Variants in COQ8B observed in about 807,000 individuals in gnomAD.
COQ8B encodes the protein coenzyme Q8B.
COQ8B carries 44 observed loss-of-function variants against 62.0 expected under a neutral mutation model. The ratio of observed to expected loss-of-function variants is 0.71; its 90% CI spans 0.56 to 0.91. The LOEUF (loss-of-function observed/expected upper bound fraction) is 0.91. Among genes scored for constraint, COQ8B ranks in the 40% least tolerant of loss-of-function variants. The pLI, the probability that COQ8B is intolerant of heterozygous loss-of-function variation, is 0.00. For missense variants in COQ8B, 649 were observed against 731.6 expected (o/e 0.89, Z 1.30); for synonymous variants, 252 against 289.9 (o/e 0.87, Z 1.33).
chr19:40,697,851 T>TATATATATATATAGAGAGAG (rs1446181673), intron 12 of COQ8B, among the ~76,000 whole-genome samples: 1 of 54,758 alleles, frequency 1.8e-5, no homozygotes, highest in Non-Finnish European at 3.1e-5. Flanking sequence ...TATATATATA[T>TATATATATATATAGAGAGAG]AGAGAGAGAG....
rs199641731 is a variant in COQ8B, at chr19:40,705,388, C to G, written c.427G>C (p.Val143Leu). Residue 143 changes from valine to leucine, a missense_variant, in exon 6 of 15, where the codon GTG becomes CTG. By Grantham distance (32) the Val-to-Leu change is conservative. Coordinates refer to ENST00000324464, the MANE Select transcript of COQ8B (RefSeq NM_024876.4). ...FLSEANAERI[V>L]QTLCTVRGAA... Reference sequence around the variant, plus strand: ...CCTCGAACTGTACATAAGGTCTGCACAATCCGCTCGGCATTGGCCTCCGAC... The same window carrying G: ...CCTCGAACTGTACATAAGGTCTGCAGAATCCGCTCGGCATTGGCCTCCGAC... The G allele has an allele frequency of 2.5e-6, 4 of 1,598,164 alleles. No homozygotes were observed. In the African/African-American group the frequency reaches 5.4e-5, roughly 21 times the overall value.
rs573613673 is a variant in COQ8B, at chr19:40,699,125, CT to C, written c.1143+941del. On this transcript the variant is annotated intron_variant, in intron 12 of 14. Transcript: ENST00000324464. Reference sequence around the variant, plus strand: ...CACCATGCTCAGCCTCTGGTCTCAGCTTTTTTTTTTTTTCTTTGGTGAGACA... The same window carrying C: ...CACCATGCTCAGCCTCTGGTCTCAGCTTTTTTTTTTTTCTTTGGTGAGACA... Among the ~76,000 whole-genome samples, 1,181 of 144,538 alleles carry C rather than the reference CT, an allele frequency of 8.2e-3. 10 individuals are homozygous for C. The highest frequency in any genetic ancestry group is 0.024 in the African/African-American group (953 of 39,648). 94.8% of individuals were successfully genotyped at this position (144,538 alleles called of 152,430 possible). A position where few individuals can be genotyped will look rare whatever the true frequency, so the allele number is the denominator to read the frequency against.
At position 40,692,329 on chromosome 19, in the gene COQ8B, C is replaced by T. The variant is rs2081978323; in HGVS notation, c.1341G>A (p.Glu447=). 3 of 1,613,616 alleles carry T rather than the reference C, an allele frequency of 1.9e-6. No homozygotes were observed. In the African/African-American group the frequency reaches 4.0e-5, roughly 22 times the overall value. ...CATAAGGGCCCTGGGTGGCGAAAGG[C>T]TCCCCCAGGATCATCACTGCCTCCA... ...AHVEAVMILG[E]PFATQGPYDF... The change falls in exon 15 of 15, where the codon GAG becomes GAA. Residue 447 remains glutamate, a synonymous_variant. Transcript: ENST00000324464.
intron 12 of COQ8B, among the ~76,000 whole-genome samples, chr19:40,697,822 T>TTATATATATATA (rs66501221): frequency 3.0e-4 from 24 of 79,088 alleles, no homozygotes; most frequent in African/African-American, 1.0e-3. Context: ...ATAAATAAAA[T>TTATATATATATA]TATATATATA....
chr19:40,693,648 C>T (rs951090858), intron 13 of COQ8B, among the ~76,000 whole-genome samples: 6 of 152,192 alleles, frequency 3.9e-5, no homozygotes, highest in African/African-American at 1.4e-4. Flanking sequence ...CTGCCACCTG[C>T]CGGCCTGTTG....
rs181087027 is a variant in COQ8B at position 40,695,092 on chromosome 19, A to G, written c.1209+897T>C. On this transcript the variant is annotated intron_variant, in intron 13 of 14. Transcript: ENST00000324464. ...CAGCACTTTGGGAGGCCAAGGCAGG[A>G]GGATCACCTGAGGTCAGCAGTTCGA... Among the ~76,000 whole-genome samples the G allele has an allele frequency of 1.8e-3, 274 of 152,240 alleles. 1 individual carries two copies. Among genetic ancestry groups the G allele is most frequent in the Non-Finnish European group, 2.7e-3 (181 of 68,002 alleles).
At chr19:40,701,273 G>A (rs1423981662) in intron 10 of COQ8B, 1 of 152,276 alleles carries the variant, frequency 6.6e-6, no homozygotes, top group Non-Finnish European at 1.5e-5. Context: ...AGGCTGGAGT[G>A]AGCTGTGATC....
In COQ8B at chr19:40,714,571, C is replaced by A; in HGVS notation, c.62G>T (p.Gly21Val). The A allele has an allele frequency of 6.2e-7, 1 of 1,613,514 alleles. No homozygotes were observed. The highest frequency in any genetic ancestry group is 8.5e-7 in the Non-Finnish European group (1 of 1,179,806). The part of the protein sequence containing the change: ...GTGGQLGQTV[G>V]WPCGALGPGP... ...AGGCCCCAGGGCCCCACAAGGCCAACCAACAGTCTGGCCCAGCTGTCCACC... is the reference window on the plus strand; with the variant it reads ...AGGCCCCAGGGCCCCACAAGGCCAAACAACAGTCTGGCCCAGCTGTCCACC... The change falls in exon 2 of 15, where the codon GGT (glycine) becomes GTT (valine). Residue 21 changes from glycine (G) to valine (V), a missense_variant. Coordinates refer to ENST00000324464, the MANE Select transcript of COQ8B (RefSeq NM_024876.4).
At chr19:40,715,100 G>A in intron 1 of COQ8B, 5 of 987,534 alleles carry the variant, frequency 5.1e-6, no homozygotes, top group Non-Finnish European at 6.0e-6. Flanking sequence ...GCCCTCCTGT[G>A]CTTCCGGGAG....
chr19:40,702,522 C>T, intron 10 of COQ8B, 78 bp downstream of exon 10: 2 of 1,374,836 alleles, frequency 1.5e-6, no homozygotes, highest in Middle Eastern at 1.8e-4. Context: ...GCTCCAGCTG[C>T]CAGAAGCTGA....
chr19:40,695,938 A>G, intron 13 of COQ8B, 51 bp downstream of exon 13: 1 of 1,574,224 alleles, frequency 6.4e-7, no homozygotes, highest in Non-Finnish European at 8.7e-7. Flanking sequence ...GCCTCAGTAT[A>G]TGGCTTGAGC....
intron 5 of COQ8B, 145 bp downstream of exon 5, chr19:40,709,914 A>T: frequency 1.4e-6 from 1 of 735,338 alleles, no homozygotes; most frequent in Non-Finnish European, 2.3e-6. Context: ...TGTTCAAAGC[A>T]CTTCACAATG....
chr19:40,702,692 G>A lies in COQ8B; in HGVS notation c.801C>T (p.Gly267=). The change falls in exon 10 of 15, where the codon GGC becomes GGT. Residue 267 remains glycine (G), a splice_region_variant and synonymous_variant. Transcript: ENST00000324464. ...VLKMSAALPA[G]LFAEQSLQAL... ...CCTGCAGGCTCTGCTCGGCAAACAG[G>A]CCTGTGGGGGAGGTGTGTCAGCCAG... is the stretch of plus-strand genomic sequence containing the variant. The A allele has an allele frequency of 6.2e-7, 1 of 1,607,280 alleles. No individual in the cohort carries two copies. The highest frequency in any genetic ancestry group is 8.5e-7 in the Non-Finnish European group (1 of 1,179,924).
intron 9 of COQ8B, chr19:40,703,219 G>A (rs2082074737): frequency 3.0e-6 from 1 of 333,864 alleles, no homozygotes; most frequent in Non-Finnish European, 5.5e-6. Flanking sequence ...GCCTCCTCAC[G>A]TGCCATCCCC....
chr19:40,702,163 G>A (rs2082065304), intron 10 of COQ8B, among the ~76,000 whole-genome samples: 1 of 152,158 alleles, frequency 6.6e-6, no homozygotes, highest in African/African-American at 2.4e-5. Flanking sequence ...TTGAATATAA[G>A]GGCTTATGTG....
At chr19:40,702,791 C>G in intron 9 of COQ8B, 98 bp from the exon 10 acceptor site, 1 of 1,075,578 alleles carries the variant, frequency 9.3e-7, no homozygotes, top group Non-Finnish European at 1.4e-6. Flanking sequence ...CGCGCTGTCC[C>G]TCACAGCTCC....
At chr19:40,700,724 T>C in intron 10 of COQ8B, 1 of 459,550 alleles carries the variant, frequency 2.2e-6, no homozygotes, top group East Asian at 3.4e-5. Context: ...GAAACCCTTC[T>C]ATGACTTCTG....
chr19:40,694,557 C>T lies in COQ8B; in HGVS notation c.1209+1432G>A, dbSNP rs530543684. Among the ~76,000 whole-genome samples the T allele has an allele frequency of 4.6e-5, 7 of 152,278 alleles. No homozygotes were observed. In the South Asian group the frequency reaches 8.3e-4, roughly 18 times the overall value. On this transcript the variant is annotated intron_variant, in intron 13 of 14. Transcript: ENST00000324464. ...TACTACTACCAGTGTGGTCCCCATA[C>T]GGGTAGCCCTGGCCTCACATGGGTG... is the stretch of plus-strand genomic sequence containing the variant.
In COQ8B at chr19:40,692,017, A is replaced by T; in HGVS notation, c.*18T>A. 6.3e-7 allele frequency: 1 copy of T among 1,576,644 alleles called. No individual in the cohort carries two copies. The highest frequency in any genetic ancestry group is 8.6e-7 in the Non-Finnish European group (1 of 1,160,362). On this transcript the variant is annotated 3_prime_UTR_variant, in exon 15 of 15. Transcript: ENST00000324464. ...AGGGTACGGCCTGCTCTGGGGACTG[A>T]ATCCCCCATGGAGGCTGTCATGAGG...
Sources: gnomAD v4.1 joint callset for allele counts (sites outside exome capture counted in the v4.1 genomes callset) on GRCh38, gnomAD v4.1.1 for gene constraint, MANE v1.5 for transcripts, NCBI Gene and HGNC (gene_info 2026-07-23, HGNC 2026-07-21) for gene names.